SORL1: variants seen among roughly 807,000 people sequenced by gnomAD.
SORL1 encodes sortilin related receptor 1, also known as sortilin-related receptor.
Under a neutral mutation model 273.7 loss-of-function variants are expected in SORL1, and 127 were observed. That is an observed-to-expected ratio of 0.46 (90% CI 0.40 to 0.54). The LOEUF (loss-of-function observed/expected upper bound fraction) is 0.54. Among genes scored for constraint, SORL1 ranks in the 20% least tolerant of loss-of-function variants. SORL1 has a pLI of 0.00. For synonymous variants in SORL1, 1,031 were observed against 1,067.4 expected (o/e 0.97, Z 0.66); for missense variants, 2,494 against 2,846.1 (o/e 0.88, Z 2.81).
At chr11:121,623,740 G>A (rs1364234283) in intron 45 of SORL1, among the ~76,000 whole-genome samples, 2 of 152,284 alleles carry the variant, frequency 1.3e-5, no homozygotes, top group South Asian at 2.1e-4. Context: ...GCTGGAGCCC[G>A]GCTCTTAGGT....
At position 121,591,112 on chromosome 11, in the gene SORL1, G is replaced by A. The variant is rs771609208; in HGVS notation, c.4325G>A (p.Arg1442Gln). The change falls in exon 31 of 48, where the codon CGA becomes CAA. Residue 1442 changes from arginine to glutamine, a missense_variant. This residue lies in a region of SORL1 where 1,609 missense variants were observed against 1,816.4 expected (regional missense o/e 0.89). Transcript: ENST00000260197. ...GACACCTGGGTGTGCGACGGGTACCGAGATTGTGCAGATGGCTCTGACGAG... is the reference window on the plus strand; with the variant it reads ...GACACCTGGGTGTGCGACGGGTACCAAGATTGTGCAGATGGCTCTGACGAG... ...VMDTWVCDGY[R>Q]DCADGSDEEA... The A allele has an allele frequency of 1.5e-5, 24 of 1,614,224 alleles. 1 individual carries two copies. The highest frequency in any genetic ancestry group is 1.6e-4 in the Middle Eastern group (1 of 6,062).
intron 9 of SORL1, among the ~76,000 whole-genome samples, chr11:121,522,201 T>A (rs1862049909): frequency 6.6e-6 from 1 of 152,248 alleles, no homozygotes; most frequent in Non-Finnish European, 1.5e-5. Flanking sequence ...GAAATATGTC[T>A]CTGACTTAGA....
intron 38 of SORL1, 112 bp from the exon 39 acceptor site, chr11:121,610,963 CT>C: frequency 2.8e-6 from 2 of 715,990 alleles, no homozygotes; most frequent in Non-Finnish European, 2.5e-6. Flanking sequence ...AAGAAATACC[CT>C]TTCTTCCCCG....
chr11:121,533,410 T>C (rs1252753096), intron 12 of SORL1, among the ~76,000 whole-genome samples: 1 of 152,172 alleles, frequency 6.6e-6, no homozygotes, highest in East Asian at 1.9e-4. Context: ...CTACATTCTT[T>C]GCAATATATT....
intron 25 of SORL1, among the ~76,000 whole-genome samples, chr11:121,581,275 A>C (rs1863011796): frequency 6.6e-6 from 1 of 152,218 alleles, no homozygotes; most frequent in African/African-American, 2.4e-5. Flanking sequence ...TATACTACTT[A>C]TTTCATCCAT....
chr11:121,532,913 A>T (rs1862222221), intron 12 of SORL1, among the ~76,000 whole-genome samples: 1 of 151,974 alleles, frequency 6.6e-6, no homozygotes, highest in Non-Finnish European at 1.5e-5. Context: ...CGAACCCCTG[A>T]CCTCAGGTGA....
At chr11:121,489,700 T>C (rs747497149) in intron 4 of SORL1, among the ~76,000 whole-genome samples, 1 of 152,276 alleles carries the variant, frequency 6.6e-6, no homozygotes, top group African/African-American at 2.4e-5. Context: ...TTAAGGACAC[T>C]GTTTCTTCGT....
At chr11:121,513,370 G>C (rs896992921) in intron 7 of SORL1, among the ~76,000 whole-genome samples, 1 of 152,184 alleles carries the variant, frequency 6.6e-6, no homozygotes, top group Admixed American at 6.5e-5. Context: ...TGCCATCTGA[G>C]CAACGTGCCA....
intron 6 of SORL1, among the ~76,000 whole-genome samples, chr11:121,501,137 C>T (rs968571191): frequency 5.3e-5 from 8 of 152,148 alleles, no homozygotes; most frequent in African/African-American, 1.2e-4. Context: ...AACTCTCATA[C>T]GTGATCAATA....
At chr11:121,483,605 A>T (rs1331108741) in intron 3 of SORL1, among the ~76,000 whole-genome samples, 1 of 152,168 alleles carries the variant, frequency 6.6e-6, no homozygotes, top group Admixed American at 6.5e-5. Flanking sequence ...GGTTGGAGAG[A>T]TTGGGGTACA....
chr11:121,621,272 C>G, intron 44 of SORL1, 34 bp downstream of exon 44: 1 of 1,589,782 alleles, frequency 6.3e-7, no homozygotes, highest in Non-Finnish European at 8.6e-7. Context: ...TCTTCTCACA[C>G]AGCCTGCCCT....
At chr11:121,556,304 C>T (rs187323542) in intron 18 of SORL1, among the ~76,000 whole-genome samples, 1 of 152,272 alleles carries the variant, frequency 6.6e-6, no homozygotes, top group African/African-American at 2.4e-5. Flanking sequence ...TGCAAAGACT[C>T]TGAAGCAGTG....
At chr11:121,559,426 A>T in intron 20 of SORL1, 93 bp from the exon 21 acceptor site, 1 of 1,291,396 alleles carries the variant, frequency 7.7e-7, no homozygotes, top group Non-Finnish European at 1.1e-6. Context: ...AATAAATGTT[A>T]GTTGTCTCCT....
At chr11:121,582,337 C>G (rs1259481812) in intron 25 of SORL1, among the ~76,000 whole-genome samples, 2 of 152,246 alleles carry the variant, frequency 1.3e-5, no homozygotes, top group Non-Finnish European at 2.9e-5. Context: ...CAACCCACTT[C>G]TGTGTGTTTT....
intron 1 of SORL1, among the ~76,000 whole-genome samples, chr11:121,463,775 C>T (rs1040881643): frequency 3.3e-5 from 5 of 152,132 alleles, no homozygotes; most frequent in Admixed American, 3.3e-4. Flanking sequence ...CGGGAGTGCT[C>T]GTAAACTAGA....
Position 121,488,126 on chromosome 11 carries a change from A to T in SORL1, c.623A>T (p.Asp208Val). Residue 208 changes from aspartate (D) to valine (V), a missense_variant, in exon 4 of 48, where the codon GAT (aspartate) becomes GTT (valine). Physicochemically the swap from Asp to Val is radical, Grantham distance 152. This residue lies in a region of SORL1 where 710 missense variants were observed against 882.5 expected (regional missense o/e 0.80). Coordinates refer to ENST00000260197, the MANE Select transcript of SORL1 (RefSeq NM_003105.6). ...QGFSIPFRAADLLLHSKASNL... is the reference protein window; with the variant it reads ...QGFSIPFRAAVLLLHSKASNL... Reference sequence around the variant, plus strand: ...TTTTCCATCCCATTTCGGGCAGCTGATCTCCTCCTACACAGTAAGGCCTCC... The same window carrying T: ...TTTTCCATCCCATTTCGGGCAGCTGTTCTCCTCCTACACAGTAAGGCCTCC... 6.2e-7 allele frequency: 1 copy of T among 1,614,042 alleles called. No homozygotes were observed. The highest frequency in any genetic ancestry group is 8.5e-7 in the Non-Finnish European group (1 of 1,180,010).
intron 24 of SORL1, 173 bp from the exon 25 acceptor site, chr11:121,577,108 C>T: frequency 9.2e-7 from 1 of 1,083,792 alleles, no homozygotes; most frequent in Non-Finnish European, 1.3e-6. Context: ...AGCACACTGA[C>T]TGGAAGCTGT....
At chr11:121,578,905 G>A (rs759795326) in intron 25 of SORL1, among the ~76,000 whole-genome samples, 2 of 152,178 alleles carry the variant, frequency 1.3e-5, no homozygotes, top group East Asian at 1.9e-4. Flanking sequence ...AGGAAGAACC[G>A]AGGCCCATAA....
intron 4 of SORL1, 124 bp downstream of exon 4, chr11:121,488,317 C>A: frequency 1.1e-6 from 1 of 949,310 alleles, no homozygotes; most frequent in Non-Finnish European, 1.6e-6. Context: ...TTGGGCCTAG[C>A]CTTTGTAGCT....
Sources: gnomAD v4.1 joint callset for allele counts (sites outside exome capture counted in the v4.1 genomes callset) on GRCh38, gnomAD v4.1.1 for gene constraint, gnomAD v4.1.1 regional missense constraint, MANE v1.5 for transcripts, NCBI Gene and HGNC (gene_info 2026-07-23, HGNC 2026-07-21) for gene names.